MGAT4C: variants seen among roughly 807,000 people sequenced by gnomAD.
MGAT4C encodes MGAT4 family member C.
Under a neutral mutation model 40.1 loss-of-function variants are expected in MGAT4C, and 19 were observed. The observed-to-expected ratio is 0.47, with a 90% CI of 0.33 to 0.70. MGAT4C has a LOEUF of 0.70. Ranked by LOEUF, MGAT4C falls within the 30% of genes least tolerant of loss-of-function variation. MGAT4C has a pLI of 0.02. For missense variants in MGAT4C, 491 were observed against 563.2 expected (o/e 0.87, Z 1.30); for synonymous variants, 181 against 187.1 (o/e 0.97, Z 0.27).
intron 1 of MGAT4C, among the ~76,000 whole-genome samples, chr12:86,750,664 G>A (rs1174109845): frequency 2.0e-5 from 3 of 151,958 alleles, no homozygotes; most frequent in African/African-American, 7.2e-5. Flanking sequence ...GCTGATGCAA[G>A]TTGTGTTGTT....
At chr12:86,522,748 G>T (rs1423272617) in intron 2 of MGAT4C, among the ~76,000 whole-genome samples, 4 of 152,060 alleles carry the variant, frequency 2.6e-5, no homozygotes, top group Non-Finnish European at 5.9e-5. Flanking sequence ...TGGTTGGTAT[G>T]CTATTTTTTA....
At chr12:86,148,425 C>T (rs139172826) in intron 1 of MGAT4C, among the ~76,000 whole-genome samples, 247 of 152,306 alleles carry the variant, frequency 1.6e-3, no homozygotes, top group African/African-American at 5.7e-3. Flanking sequence ...GTTAAAATTA[C>T]CCTGATTGGC....
intron 3 of MGAT4C, among the ~76,000 whole-genome samples, chr12:86,388,240 T>C (rs1305190841): frequency 1.3e-5 from 2 of 152,116 alleles, no homozygotes; most frequent in Non-Finnish European, 2.9e-5. Context: ...TTGTATTTAG[T>C]TGGATTTCAA....
At chr12:86,154,081 C>T (rs2135778488) in intron 1 of MGAT4C, among the ~76,000 whole-genome samples, 1 of 152,278 alleles carries the variant, frequency 6.6e-6, no homozygotes, top group Non-Finnish European at 1.5e-5. Context: ...TTTACCATCA[C>T]AAAGTAGAAC....
At chr12:86,514,162 A>C (rs553943085) in intron 2 of MGAT4C, among the ~76,000 whole-genome samples, 1 of 152,070 alleles carries the variant, frequency 6.6e-6, no homozygotes, top group Non-Finnish European at 1.5e-5. Context: ...CATTTTAAGA[A>C]ATCTCTGTCC....
At chr12:86,493,420 G>A (rs1958176383) in intron 2 of MGAT4C, among the ~76,000 whole-genome samples, 1 of 152,004 alleles carries the variant, frequency 6.6e-6, no homozygotes, top group South Asian at 2.1e-4. Flanking sequence ...ATGATAGACT[G>A]GATTAAGAAA....
intron 1 of MGAT4C, among the ~76,000 whole-genome samples, chr12:86,165,231 TA>T: frequency 6.6e-6 from 1 of 152,222 alleles, no homozygotes; most frequent in South Asian, 2.1e-4. Context: ...AATACATATA[TA>T]AAATAATTAA....
chr12:86,363,871 A>G (rs1336752156), intron 3 of MGAT4C, among the ~76,000 whole-genome samples: 1 of 152,054 alleles, frequency 6.6e-6, no homozygotes, highest in Non-Finnish European at 1.5e-5. Context: ...AAGAAATATT[A>G]GGGACAATTT....
intron 2 of MGAT4C, chr12:86,001,577 T>G: frequency 1.1e-6 from 1 of 932,212 alleles, no homozygotes. Context: ...CTCCAAATGA[T>G]AAGTCTGTTG....
intron 1 of MGAT4C, chr12:86,068,049 C>A (rs1894727482): frequency 6.6e-6 from 1 of 152,164 alleles, no homozygotes; most frequent in African/African-American, 2.4e-5. Flanking sequence ...GATACCTCTC[C>A]AAAATTTCAA....
chr12:86,151,573 G>C (rs1174218905), intron 1 of MGAT4C, among the ~76,000 whole-genome samples: 1 of 151,712 alleles, frequency 6.6e-6, no homozygotes, highest in East Asian at 1.9e-4. Flanking sequence ...TCCAGCCTGG[G>C]CAACAGAGCG....
At chr12:86,672,540 G>T (rs1261383278) in intron 2 of MGAT4C, among the ~76,000 whole-genome samples, 5 of 151,294 alleles carry the variant, frequency 3.3e-5, no homozygotes, top group African/African-American at 1.2e-4. Context: ...CCCATTCAAA[G>T]AAAAAACAAG....
At chr12:86,364,712 G>T (rs1035729057) in intron 3 of MGAT4C, among the ~76,000 whole-genome samples, 35 of 151,776 alleles carry the variant, frequency 2.3e-4, no homozygotes, top group African/African-American at 6.8e-4. Flanking sequence ...GTGTCTGGGG[G>T]TGACATCACA....
chr12:86,665,974 A>G (rs1964095246), intron 2 of MGAT4C, among the ~76,000 whole-genome samples: 1 of 152,210 alleles, frequency 6.6e-6, no homozygotes, highest in African/African-American at 2.4e-5. Flanking sequence ...TTAAGCCTCC[A>G]TAATATTTCA....
At chr12:86,601,302 T>C (rs1961767105) in intron 2 of MGAT4C, 1 of 152,010 alleles carries the variant, frequency 6.6e-6, no homozygotes, top group South Asian at 2.1e-4. Context: ...GGAGTGAGAA[T>C]TTTTTTTGAT....
At chr12:86,461,518 T>G (rs1475241674) in intron 2 of MGAT4C, among the ~76,000 whole-genome samples, 4 of 152,290 alleles carry the variant, frequency 2.6e-5, no homozygotes, top group Admixed American at 1.3e-4. Context: ...GTGCTGGGAT[T>G]ACAGGCGTGA....
At chr12:86,377,897 T>A (rs1313003599) in intron 3 of MGAT4C, among the ~76,000 whole-genome samples, 1 of 152,138 alleles carries the variant, frequency 6.6e-6, no homozygotes, top group African/African-American at 2.4e-5. Context: ...CAACCACCAT[T>A]CTACTTGCTG....
intron 1 of MGAT4C, among the ~76,000 whole-genome samples, chr12:86,235,219 T>C (rs1316240042): frequency 6.6e-6 from 1 of 152,038 alleles, no homozygotes; most frequent in African/African-American, 2.4e-5. Flanking sequence ...TTGCTCAGAT[T>C]CATCTACTCT....
chr12:86,429,061 G>T (rs1175738424), intron 3 of MGAT4C, among the ~76,000 whole-genome samples: 3 of 151,672 alleles, frequency 2.0e-5, no homozygotes, highest in Non-Finnish European at 4.4e-5. Flanking sequence ...TGGTTTATTT[G>T]AGATCTTTTT....
Sources: allele counts gnomAD v4.1 joint callset (sites outside exome capture counted in the v4.1 genomes callset), GRCh38; gene constraint gnomAD v4.1.1; transcripts MANE v1.5; gene names NCBI Gene and HGNC (gene_info 2026-07-23, HGNC 2026-07-21).